Variants in IDE observed in about 807,000 individuals in gnomAD.
IDE encodes insulin-degrading enzyme.
Under a neutral mutation model 133.2 loss-of-function variants are expected in IDE, and 58 were observed. The ratio of observed to expected loss-of-function variants is 0.44; its 90% CI spans 0.35 to 0.54. The LOEUF is 0.54. Ranked by LOEUF, IDE falls within the 20% of genes least tolerant of loss-of-function variation. IDE has a pLI of 0.00. For synonymous variants in IDE, 396 were observed against 421.3 expected (o/e 0.94, Z 0.73); for missense variants, 981 against 1,234.0 (o/e 0.79, Z 3.07).
intron 22 of IDE, among the ~76,000 whole-genome samples, chr10:92,458,750 T>A (rs1564588634): frequency 6.6e-6 from 1 of 152,062 alleles, no homozygotes; most frequent in African/African-American, 2.4e-5. Context: ...TCTGCCCACC[T>A]CGGCCTCCCA....
Position 92,549,327 on chromosome 10 carries a change from A to G in IDE, c.99-11777T>C, listed in dbSNP as rs1418594740. Among the ~76,000 whole-genome samples, 4 of 152,224 alleles carry G rather than the reference A, an allele frequency of 2.6e-5. 1 individual carries two copies. The highest frequency in any genetic ancestry group is 6.8e-3 in the Middle Eastern group (2 of 294). On this transcript the variant is annotated intron_variant, in intron 1 of 24. Transcript: ENST00000265986. The stretch of plus-strand genomic sequence containing the variant: ...TGAAAGACCCTAGCTTATAGTTCTG[A>G]TTTTATTACCCCCAAAATAATGGAT...
chr10:92,543,170 C>G (rs1021349789), intron 1 of IDE, among the ~76,000 whole-genome samples: 6 of 152,188 alleles, frequency 3.9e-5, no homozygotes, highest in Non-Finnish European at 8.8e-5. Context: ...AATCCATCCA[C>G]CCACTCCCAA....
intron 5 of IDE, among the ~76,000 whole-genome samples, chr10:92,511,654 A>T (rs1848637317): frequency 6.6e-6 from 1 of 151,606 alleles, no homozygotes; most frequent in South Asian, 2.1e-4. Flanking sequence ...AAGTGTAGGC[A>T]TTTGCATTTT....
At chr10:92,473,222 AC>A (rs1393125046) in intron 17 of IDE, among the ~76,000 whole-genome samples, 1 of 151,920 alleles carries the variant, frequency 6.6e-6, no homozygotes. Context: ...GAGCCACGGC[AC>A]CCGGCCCAAA....
At chr10:92,477,308 T>C (rs989009010) in intron 15 of IDE, among the ~76,000 whole-genome samples, 5 of 151,832 alleles carry the variant, frequency 3.3e-5, no homozygotes, top group African/African-American at 1.2e-4. Context: ...CACACCACCA[T>C]GTCTGGCTAA....
At chr10:92,531,635 A>G (rs998136300) in intron 4 of IDE, 113 bp downstream of exon 4, 1 of 398,016 alleles carries the variant, frequency 2.5e-6, no homozygotes, top group Admixed American at 4.9e-5. Flanking sequence ...TGTATATGCC[A>G]TGGGTTATAT....
At chr10:92,478,783 G>T (rs1158438219) in intron 15 of IDE, 1 of 1,226,766 alleles carries the variant, frequency 8.2e-7, no homozygotes, top group African/African-American at 1.6e-5. Flanking sequence ...CAGCATAAAT[G>T]TAGCGACTAA....
intron 14 of IDE, among the ~76,000 whole-genome samples, chr10:92,481,472 T>G (rs1846604672): frequency 6.6e-6 from 1 of 152,150 alleles, no homozygotes. Context: ...ACAGCAGCTG[T>G]GCTGGTGAAG....
intron 4 of IDE, among the ~76,000 whole-genome samples, chr10:92,527,480 T>C (rs1373009884): frequency 6.6e-6 from 1 of 152,156 alleles, no homozygotes; most frequent in Non-Finnish European, 1.5e-5. Context: ...AAAAAAAAAC[T>C]TACAGGACTT....
rs1365231299 is a variant in IDE, at chr10:92,514,967, G to A, written c.737C>T (p.Ser246Phe). Residue 246 changes from serine to phenylalanine, a missense_variant, in exon 5 of 25, where the codon TCT becomes TTT. This residue lies in a region of IDE where 321 missense variants were observed against 339.3 expected (regional missense o/e 0.95). Coordinates refer to ENST00000265986, the MANE Select transcript of IDE (RefSeq NM_004969.4). ...CATTAAGTTGGATGAATAGTAAGCA[G>A]AATGGAATTTCAGTAGCTCTTGTCT... Reference protein sequence around the residue: ...DVRQELLKFHSAYYSSNLMAV... With the variant: ...DVRQELLKFHFAYYSSNLMAV... 3.7e-6 allele frequency: 6 copies of A among 1,612,306 alleles called. No individual in the cohort carries two copies. In the Admixed American group the frequency reaches 1.0e-4, roughly 27 times the overall value.
intron 1 of IDE, among the ~76,000 whole-genome samples, chr10:92,549,528 A>G (rs2135750118): frequency 6.6e-6 from 1 of 152,202 alleles, no homozygotes; most frequent in African/African-American, 2.4e-5. Flanking sequence ...AAAAACTGAT[A>G]ATGAAAGAGA....
intron 10 of IDE, among the ~76,000 whole-genome samples, chr10:92,505,769 G>C (rs1007920021): frequency 6.6e-6 from 1 of 152,190 alleles, no homozygotes; most frequent in Non-Finnish European, 1.5e-5. Flanking sequence ...TTCATGTAGA[G>C]AAAATAGCAA....
intron 1 of IDE, among the ~76,000 whole-genome samples, chr10:92,551,255 T>C (rs1446421197): frequency 6.6e-6 from 1 of 152,202 alleles, no homozygotes; most frequent in African/African-American, 2.4e-5. Flanking sequence ...TGCTACCATA[T>C]GAACCTAGAA....
At chr10:92,483,032 A>G (rs998320362) in intron 14 of IDE, among the ~76,000 whole-genome samples, 6 of 152,138 alleles carry the variant, frequency 3.9e-5, no homozygotes, top group Non-Finnish European at 8.8e-5. Context: ...CGCCCGCCTC[A>G]GCCTCCCAAA....
chr10:92,573,837 A>G (rs2135870726), intron 1 of IDE, 85 bp downstream of exon 1: 1 of 942,168 alleles, frequency 1.1e-6, no homozygotes. Flanking sequence ...GGCGGCTTTA[A>G]GTGCTGAATC....
chr10:92,463,722 T>C lies in IDE; in HGVS notation c.2761+9A>G. 1 of 1,610,694 alleles carries C rather than the reference T, an allele frequency of 6.2e-7. No homozygotes were observed. ...TGCCATAAATGTTGGAGCCCTAATT[T>C]TACCTTACCTCTGTCAAAATTATAT... On this transcript the variant is annotated intron_variant, in intron 21 of 24. Coordinates refer to ENST00000265986, the MANE Select transcript of IDE (RefSeq NM_004969.4).
intron 13 of IDE, 37 bp from the exon 14 acceptor site, chr10:92,483,374 G>T: frequency 9.1e-7 from 1 of 1,093,506 alleles, no homozygotes; most frequent in Non-Finnish European, 1.4e-6. Context: ...GGAAATAGAG[G>T]CGCATTCAGC....
rs557965835 is a variant in IDE, at chr10:92,551,449, T to C, written c.99-13899A>G. ...TGGGAGTGGTGGTGCACACCTATAG[T>C]CCCAGATACTCAGGAGGCTGAGGCA... On this transcript the variant is annotated intron_variant, in intron 1 of 24. Coordinates refer to ENST00000265986, the MANE Select transcript of IDE (RefSeq NM_004969.4). 6.1e-4 allele frequency among the ~76,000 whole-genome samples: 91 copies of C among 149,858 alleles called. No homozygotes were observed. In the Middle Eastern group the frequency reaches 0.028, roughly 46 times the overall value.
chr10:92,524,478 TA>T (rs1564648257), intron 4 of IDE, among the ~76,000 whole-genome samples: 1,106 of 69,742 alleles, frequency 0.016, 142 homozygotes, highest in Admixed American at 0.03. Flanking sequence ...TAATATATAA[TA>T]TATATTATAT....
Sources: allele counts gnomAD v4.1 joint callset (sites outside exome capture counted in the v4.1 genomes callset), GRCh38; gene constraint gnomAD v4.1.1; regional missense constraint gnomAD v4.1.1; transcripts MANE v1.5; gene names NCBI Gene and HGNC (gene_info 2026-07-23, HGNC 2026-07-21).